The following C4orf51 variants were observed in gnomAD, a reference collection of about 807,000 sequenced individuals.
C4orf51 encodes the protein uncharacterized protein C4orf51.
Under a neutral mutation model 25.2 loss-of-function variants are expected in C4orf51, and 25 were observed. The observed-to-expected ratio is 0.99, with a 90% CI of 0.72 to 1.39. The LOEUF (loss-of-function observed/expected upper bound fraction) is 1.39. Ranked by LOEUF, C4orf51 falls within the 40% of genes most tolerant of loss-of-function variation. The pLI, the probability that C4orf51 is intolerant of heterozygous loss-of-function variation, is 0.00. For synonymous variants in C4orf51, 100 were observed against 84.5 expected, an observed-to-expected ratio of 1.18 and a Z score of -1.01; for missense variants, 252 against 239.6, an observed-to-expected ratio of 1.05 and a Z score of -0.34.
At chr4:145,702,184 T>C (rs1403168353) in intron 2 of C4orf51, among the ~76,000 whole-genome samples, 1 of 152,122 alleles carries the variant, frequency 6.6e-6, no homozygotes, top group Non-Finnish European at 1.5e-5. Flanking sequence ...TCCCCCATTT[T>C]ACCTGTCCTA....
At chr4:145,742,046 A>G (rs915347109) in intron 1 of C4orf51, among the ~76,000 whole-genome samples, 11 of 152,142 alleles carry the variant, frequency 7.2e-5, no homozygotes, top group African/African-American at 2.4e-4. Context: ...ACAAGGGTAG[A>G]CTTTTCTCTT....
intron 4 of C4orf51, among the ~76,000 whole-genome samples, chr4:145,729,451 G>C (rs186275016): frequency 6.6e-6 from 1 of 151,622 alleles, no homozygotes; most frequent in Non-Finnish European, 1.5e-5. Context: ...ACCGGCGCCC[G>C]CCACCACACC....
At chr4:145,733,242 C>G (rs1041649882), downstream of C4orf51, among the ~76,000 whole-genome samples, 5 of 152,136 alleles carry the variant, frequency 3.3e-5, no homozygotes, top group Non-Finnish European at 5.9e-5. Flanking sequence ...TCCTCCACGG[C>G]CCACCTCTTC....
At chr4:145,725,267 A>G (rs931881200) in intron 2 of C4orf51, among the ~76,000 whole-genome samples, 2 of 152,254 alleles carry the variant, frequency 1.3e-5, no homozygotes, top group Non-Finnish European at 2.9e-5. Flanking sequence ...TAGAATGGCT[A>G]TAATCACAAA....
At chr4:145,733,406 G>C (rs1390183743), downstream of C4orf51, among the ~76,000 whole-genome samples, 1 of 152,184 alleles carries the variant, frequency 6.6e-6, no homozygotes, top group South Asian at 2.1e-4. Context: ...CACATGACCT[G>C]GGGCGCGGGA....
intron 2 of C4orf51, among the ~76,000 whole-genome samples, chr4:145,700,025 C>T (rs190867963): frequency 1.3e-4 from 20 of 152,162 alleles, no homozygotes; most frequent in Admixed American, 7.2e-4. Context: ...CTTATTTCTG[C>T]ACCCCGACCT....
chr4:145,729,285 C>T (rs1416068057), intron 4 of C4orf51, 56 bp downstream of exon 4: 24 of 653,370 alleles, frequency 3.7e-5, no homozygotes, highest in Non-Finnish European at 5.8e-5. Flanking sequence ...TTATTTTAAT[C>T]GTGGTCATGT....
intron 2 of C4orf51, among the ~76,000 whole-genome samples, chr4:145,712,052 A>T (rs1428966805): frequency 6.6e-6 from 1 of 152,182 alleles, no homozygotes; most frequent in African/African-American, 2.4e-5. Context: ...GTTTTGAGAC[A>T]CCACAAACCA....
At chr4:145,757,982 G>C (rs898213377), downstream of C4orf51, 1 of 152,162 alleles carries the variant, frequency 6.6e-6, no homozygotes, top group South Asian at 2.1e-4. Flanking sequence ...AAAGATGTTA[G>C]TGTTTTATAC....
chr4:145,724,248 C>T (rs1462263822), intron 2 of C4orf51, among the ~76,000 whole-genome samples: 1 of 152,098 alleles, frequency 6.6e-6, no homozygotes, highest in African/African-American at 2.4e-5. Flanking sequence ...CTTTGAAAGG[C>T]TAAGAATTCA....
At chr4:145,745,870 T>A (rs1733343830) in intron 1 of C4orf51, among the ~76,000 whole-genome samples, 1 of 152,186 alleles carries the variant, frequency 6.6e-6, no homozygotes, top group Admixed American at 6.5e-5. Flanking sequence ...TTTCTCTACA[T>A]CCTCACCAGC....
At chr4:145,681,401 T>C (rs749437723) in intron 1 of C4orf51, among the ~76,000 whole-genome samples, 28 of 152,212 alleles carry the variant, frequency 1.8e-4, no homozygotes, top group Non-Finnish European at 3.2e-4. Flanking sequence ...TCAGAAGTAC[T>C]TCTCAATTGG....
chr4:145,698,951 C>A (rs1216107971), intron 2 of C4orf51, among the ~76,000 whole-genome samples: 1 of 152,040 alleles, frequency 6.6e-6, no homozygotes, highest in Non-Finnish European at 1.5e-5. Flanking sequence ...TAACTGATGA[C>A]ATTCCACCAC....
chr4:145,766,180 A>G (rs1450912358), intron 1 of C4orf51, among the ~76,000 whole-genome samples: 2 of 152,266 alleles, frequency 1.3e-5, no homozygotes, highest in East Asian at 3.9e-4. Flanking sequence ...GAAGTGGTGG[A>G]GAAGAGGTTT....
At position 145,726,976 on chromosome 4, in the gene C4orf51, C is replaced by G. The variant is rs771818362; in HGVS notation, c.366+7C>G. Reference sequence around the variant, plus strand: ...TGATGTCAAGCATGGAGTGGTAAGCCCAACATTTCTCAGCAATCTCTTACC... The same window carrying G: ...TGATGTCAAGCATGGAGTGGTAAGCGCAACATTTCTCAGCAATCTCTTACC... On this transcript the variant is annotated splice_region_variant and intron_variant, in intron 3 of 5. Coordinates refer to ENST00000438731, the MANE Select transcript of C4orf51 (RefSeq NM_001080531.3). 1 of 1,609,006 alleles carries G rather than the reference C, an allele frequency of 6.2e-7. No homozygotes were observed. Among genetic ancestry groups the G allele is most frequent in the East Asian group, 2.2e-5 (1 of 44,802 alleles).
At chr4:145,720,199 C>T (rs571211392) in intron 2 of C4orf51, among the ~76,000 whole-genome samples, 21 of 152,118 alleles carry the variant, frequency 1.4e-4, no homozygotes, top group African/African-American at 4.6e-4. Flanking sequence ...CCCTGGGAGG[C>T]GAACATAAAG....
Position 145,724,064 on chromosome 4 carries a change from G to T in C4orf51, c.308-2847G>T, listed in dbSNP as rs148458967. ...GGTCTAGCACAAATTCTAATGCCTG[G>T]TTTTTTTCCCCAGAATGCACCAAAT... On this transcript the variant is annotated intron_variant, in intron 2 of 5. Transcript: ENST00000438731. Among the ~76,000 whole-genome samples the T allele has an allele frequency of 2.1e-3, 318 of 152,220 alleles. 1 individual carries two copies. The highest frequency in any genetic ancestry group is 7.1e-3 in the African/African-American group (294 of 41,534).
rs1174930111 is a variant in C4orf51 at position 145,768,858 on chromosome 4, C to CA, written n.167-2097dup. On this transcript the variant is annotated intron_variant and non_coding_transcript_variant, in intron 1 of 1. Coordinates refer to the C4orf51 transcript ENST00000510096. The stretch of plus-strand genomic sequence containing the variant: ...TGGGTGACAGAGCAAGACTCCGTCT[C>CA]AAAAAAAAAAAAAAAAAAAAAAAAA... 0.093 allele frequency among the ~76,000 whole-genome samples: 423 copies of CA among 4,546 alleles called. 194 individuals carry two copies. The Middle Eastern group carries it at 1, about 11-fold the overall frequency. The allele number at this position is 4,546 out of a possible 152,430, so 3.0% of individuals were successfully genotyped here. A position where few individuals can be genotyped will look rare whatever the true frequency, so the allele number is the denominator to read the frequency against.
downstream of C4orf51, among the ~76,000 whole-genome samples, chr4:145,736,125 A>G (rs543703496): frequency 3.9e-5 from 6 of 152,248 alleles, no homozygotes; most frequent in African/African-American, 1.4e-4. Flanking sequence ...CCTAATGACA[A>G]GGCACAGGGG....
Sources: gnomAD v4.1 joint callset for allele counts (sites outside exome capture counted in the v4.1 genomes callset) on GRCh38, gnomAD v4.1.1 for gene constraint, MANE v1.5 for transcripts, NCBI Gene and HGNC (gene_info 2026-07-23, HGNC 2026-07-21) for gene names.